Variants in MSL3 observed in about 807,000 individuals in gnomAD.
MSL3 encodes MSL complex subunit 3, also known as MSL3-like 1.
A neutral mutation model predicts 37.2 loss-of-function variants in MSL3; 5 were observed. The ratio of observed to expected loss-of-function variants is 0.13; its 90% CI spans 0.07 to 0.28. The LOEUF (loss-of-function observed/expected upper bound fraction) is 0.28. Among genes scored for constraint, MSL3 ranks in the 10% least tolerant of loss-of-function variants. MSL3 has a pLI of 1.00. For missense variants in MSL3, 315 were observed against 408.5 expected (o/e 0.77, Z 1.97); for synonymous variants, 149 against 147.6 (o/e 1.01, Z -0.07).
At position 11,762,246 on chromosome X, in the gene MSL3, G is replaced by A. The variant is rs777318202; in HGVS notation, c.582G>A (p.Arg194=). The change falls in exon 6 of 13, where the codon AGG becomes AGA. Residue 194 remains arginine (R), a synonymous_variant. Transcript: ENST00000312196. ...ATGATTGTTACTACATTAACAGGAGGAAACGGGTATGTAGGGAGAATGTAT... is the reference window on the plus strand; with the variant it reads ...ATGATTGTTACTACATTAACAGGAGAAAACGGGTATGTAGGGAGAATGTAT... ...LEDDCYYINR[R]KRLVKLPCQT... 1.7e-6 allele frequency: 2 copies of A among 1,153,316 alleles called. No homozygotes were observed. The highest frequency in any genetic ancestry group is 4.2e-5 in the South Asian group (2 of 47,417).
chrX:11,774,124 G>A (rs1020439733), intron 12 of MSL3, among the ~76,000 whole-genome samples: 10 of 111,661 alleles, frequency 9.0e-5, no homozygotes, highest in Admixed American at 3.8e-4. Context: ...TTTAACATCC[G>A]TCTTCATACA....
chrX:11,762,778 G>C (rs2053144290), intron 6 of MSL3, 59 bp from the exon 7 acceptor site: 1 of 1,059,885 alleles, frequency 9.4e-7, no homozygotes, highest in African/African-American at 1.9e-5. Context: ...GTGTTTCTTG[G>C]AATATGTGGT....
At chrX:11,769,119 T>G (rs771121421) in intron 10 of MSL3, 1 of 114,181 alleles carries the variant, frequency 8.8e-6, no homozygotes, top group Non-Finnish European at 1.8e-5. Context: ...TAGCATTTAA[T>G]TTTCATGTGT....
intron 10 of MSL3, among the ~76,000 whole-genome samples, chrX:11,769,850 C>A (rs182642280): frequency 8.9e-6 from 1 of 112,257 alleles, no homozygotes; most frequent in East Asian, 2.8e-4. Context: ...AAGTGATCCT[C>A]CCGCCTCTGC....
At chrX:11,774,869 C>T in intron 12 of MSL3, 111 bp from the exon 13 acceptor site, 2 of 523,661 alleles carry the variant, frequency 3.8e-6, no homozygotes, top group Admixed American at 3.4e-5. Flanking sequence ...TCATTTTTTT[C>T]TTCCTAATAC....
chrX:11,769,532 G>A (rs2053213828), intron 10 of MSL3, among the ~76,000 whole-genome samples: 1 of 112,636 alleles, frequency 8.9e-6, no homozygotes, highest in Admixed American at 9.3e-5. Flanking sequence ...CCTAGGAGGT[G>A]AGATTTCCTC....
chrX:11,765,816 A>G (rs1202305481), intron 9 of MSL3, 87 bp downstream of exon 9: 27 of 1,171,097 alleles, frequency 2.3e-5, no homozygotes, highest in Non-Finnish European at 3.0e-5. Flanking sequence ...CTGAGGTTAC[A>G]TGTGTGTGTG....
In MSL3 at chrX:11,775,347, C is replaced by T; in HGVS notation, c.*268C>T. On this transcript the variant is annotated 3_prime_UTR_variant, in exon 13 of 13. Coordinates refer to ENST00000312196, the MANE Select transcript of MSL3 (RefSeq NM_078629.4). ...GCAACTATGTTCACAGTGAAATATT[C>T]GTGGAATAGGTTAGGCCATTTCAGT... is the stretch of plus-strand genomic sequence containing the variant. The T allele has an allele frequency of 1.0e-5, 3 of 293,358 alleles. No homozygotes were observed. The highest frequency in any genetic ancestry group is 1.2e-5 in the Non-Finnish European group (2 of 168,203). 24.2% of individuals were successfully genotyped at this position (293,358 alleles called of 1,213,427 possible). A position where few individuals can be genotyped will look rare whatever the true frequency, so the allele number is the denominator to read the frequency against.
At position 11,772,138 on chromosome X, in the gene MSL3, A is replaced by G. The variant is rs372499683; in HGVS notation, c.1282-18A>G. On this transcript the variant is annotated intron_variant, in intron 10 of 12. Coordinates refer to ENST00000312196, the MANE Select transcript of MSL3 (RefSeq NM_078629.4). ...TCCATTAAGAATAACAAAAGCATTC[A>G]ATTCGTGCTTTTTCCAGGTCCTCTC... The G allele has an allele frequency of 5.4e-5, 62 of 1,144,296 alleles. No homozygotes were observed. Among genetic ancestry groups the G allele is most frequent in the Non-Finnish European group, 6.9e-5 (58 of 838,164 alleles). The allele number at this position is 1,144,296 out of a possible 1,213,427, so 94.3% of individuals were successfully genotyped here.
rs369373229 is a variant in MSL3 at position 11,759,303 on chromosome X, C to T, written c.103-490C>T. Among the ~76,000 whole-genome samples, 6 of 112,010 alleles carry T rather than the reference C, an allele frequency of 5.4e-5. No homozygotes were observed. In the East Asian group the frequency reaches 1.7e-3, roughly 32 times the overall value. On this transcript the variant is annotated intron_variant, in intron 1 of 12. Coordinates refer to ENST00000312196, the MANE Select transcript of MSL3 (RefSeq NM_078629.4). The stretch of plus-strand genomic sequence containing the variant: ...CCCTGCTGCTCCTGTCTTTTAACCG[C>T]GTCTGCTATCCCTCTTTCTCCTCGC...
Position 11,762,220 on chromosome X carries a change from G to A in MSL3, c.556G>A (p.Asp186Asn), listed in dbSNP as rs2053139538. The A allele has an allele frequency of 8.6e-7, 1 of 1,167,602 alleles. No homozygotes were observed. Among genetic ancestry groups the A allele is most frequent in the Non-Finnish European group, 1.1e-6 (1 of 874,565 alleles). ...TGAAGTTCTGAAGAAGCAGCTGGAGGATGATTGTTACTACATTAACAGGAG... is the reference window on the plus strand; with the variant it reads ...TGAAGTTCTGAAGAAGCAGCTGGAGAATGATTGTTACTACATTAACAGGAG... ...IPEVLKKQLEDDCYYINRRKR... is the reference protein window; with the variant it reads ...IPEVLKKQLENDCYYINRRKR... Residue 186 changes from aspartate to asparagine, a missense_variant, in exon 6 of 13, where the codon GAT (aspartate) becomes AAT (asparagine). By Grantham distance (23) the Asp-to-Asn change is conservative (BLOSUM62 1). Transcript: ENST00000312196.
rs765369799 is a variant in MSL3 at position 11,762,259 on chromosome X, A to G, written c.588+7A>G. ...CATTAACAGGAGGAAACGGGTATGTAGGGAGAATGTATAAAACATTAATTT... is the reference window on the plus strand; with the variant it reads ...CATTAACAGGAGGAAACGGGTATGTGGGGAGAATGTATAAAACATTAATTT... On this transcript the variant is annotated splice_region_variant and intron_variant, in intron 6 of 12. Coordinates refer to ENST00000312196, the MANE Select transcript of MSL3 (RefSeq NM_078629.4). 1 of 1,145,435 alleles carries G rather than the reference A, an allele frequency of 8.7e-7. No individual in the cohort carries two copies. 94.4% of individuals were successfully genotyped at this position (1,145,435 alleles called of 1,213,427 possible).
intron 1 of MSL3, chrX:11,758,805 C>A: frequency 8.7e-7 from 1 of 1,150,874 alleles, no homozygotes; most frequent in Non-Finnish European, 1.2e-6. Flanking sequence ...GCGCTGGCCG[C>A]TGACTTGCGA....
chrX:11,760,794 T>G, intron 3 of MSL3, 43 bp from the exon 4 acceptor site: 1 of 1,044,715 alleles, frequency 9.6e-7, no homozygotes, highest in Non-Finnish European at 1.3e-6. Context: ...ACTCACGAGT[T>G]CAATGTCAAA....
intron 4 of MSL3, 42 bp downstream of exon 4, chrX:11,760,979 C>T (rs2053127039): frequency 1.1e-6 from 1 of 945,073 alleles, no homozygotes; most frequent in South Asian, 2.3e-5. Flanking sequence ...AAAGAACTTC[C>T]ACCTAGACTG....
At chrX:11,768,768 C>G in intron 10 of MSL3, 86 bp downstream of exon 10, 1 of 600,907 alleles carries the variant, frequency 1.7e-6, no homozygotes. Flanking sequence ...GTTCTTAAAG[C>G]ATCATGTTGC....
chrX:11,758,648 C>T (rs2053096755), intron 1 of MSL3: 1 of 1,160,731 alleles, frequency 8.6e-7, no homozygotes, highest in Non-Finnish European at 1.1e-6. Context: ...GCGCCCCCGA[C>T]TGCAACGGTG....
chrX:11,760,556 T>C, intron 3 of MSL3, 58 bp downstream of exon 3: 2 of 845,224 alleles, frequency 2.4e-6, no homozygotes, highest in Non-Finnish European at 3.3e-6. Context: ...CTTAGTGTTT[T>C]AGATTTTTAT....
In MSL3 at chrX:11,766,654, C is replaced by T. The variant is rs56355328; in HGVS notation, c.1171+925C>T. On this transcript the variant is annotated intron_variant, in intron 9 of 12. Coordinates refer to ENST00000312196, the MANE Select transcript of MSL3 (RefSeq NM_078629.4). ...GGGCCGACGATGTCACCTGGTGCCT[C>T]GCGGGCTCAGTGAGTTAGGAAGTCA... 3.0e-3 allele frequency: 2,224 copies of T among 753,107 alleles called. 2 individuals carry two copies. The highest frequency in any genetic ancestry group is 0.013 in the Middle Eastern group (17 of 1,322). The allele number at this position is 753,107 out of a possible 1,213,427, so 62.1% of individuals were successfully genotyped here. A position where few individuals can be genotyped will look rare whatever the true frequency, so the allele number is the denominator to read the frequency against.
Sources: allele counts gnomAD v4.1 joint callset (sites outside exome capture counted in the v4.1 genomes callset), GRCh38; gene constraint gnomAD v4.1.1; transcripts MANE v1.5; gene names NCBI Gene and HGNC (gene_info 2026-07-23, HGNC 2026-07-21).